The following SDCCAG8 variants were observed in gnomAD, a reference collection of about 807,000 sequenced individuals.
SDCCAG8 encodes SHH signaling and ciliogenesis regulator SDCCAG8, also known as serologically defined colon cancer antigen 8.
In SDCCAG8, 74 loss-of-function variants were observed where a neutral mutation model predicts 101.8. The observed-to-expected ratio is 0.73, with a 90% confidence interval of 0.60 to 0.88. The LOEUF (loss-of-function observed/expected upper bound fraction) is 0.88, where lower values mean the gene tolerates loss of function less well. Ranked by LOEUF, SDCCAG8 falls within the 40% of genes least tolerant of loss-of-function variation. SDCCAG8 has a pLI of 0.00. For missense variants in SDCCAG8, 787 were observed against 822.6 expected, an observed-to-expected ratio of 0.96 and a Z score of 0.53; for synonymous variants, 281 against 292.9, an observed-to-expected ratio of 0.96 and a Z score of 0.41.
chr1:243,374,768 A>C (rs904828794), intron 12 of SDCCAG8, among the ~76,000 whole-genome samples: 2 of 152,120 alleles, frequency 1.3e-5, no homozygotes, highest in South Asian at 4.1e-4. Flanking sequence ...GAGAACCCTA[A>C]AAGAGCATAG....
intron 16 of SDCCAG8, among the ~76,000 whole-genome samples, chr1:243,429,695 A>ATTTTTT (rs796450909): frequency 5.4e-5 from 5 of 92,940 alleles, no homozygotes; most frequent in Admixed American, 1.4e-4. Context: ...TGCTCTGCTA[A>ATTTTTT]TTTTTTTTTT....
chr1:243,445,531 G>A (rs6665625), intron 16 of SDCCAG8, among the ~76,000 whole-genome samples: 4 of 152,102 alleles, frequency 2.6e-5, no homozygotes. Flanking sequence ...CCAGAAGTTG[G>A]ATGGTTAATT....
At chr1:243,358,152 C>T (rs561530129) in intron 12 of SDCCAG8, among the ~76,000 whole-genome samples, 9 of 151,964 alleles carry the variant, frequency 5.9e-5, no homozygotes, top group Non-Finnish European at 1.0e-4. Context: ...AGAAAAAAGA[C>T]AACCCACAGA....
At chr1:243,399,444 G>T (rs947905587) in intron 13 of SDCCAG8, among the ~76,000 whole-genome samples, 3 of 152,138 alleles carry the variant, frequency 2.0e-5, no homozygotes, top group African/African-American at 4.8e-5. Context: ...AAACACAAAG[G>T]TTCTTTAGCT....
chr1:243,260,504 A>G (rs2067120376), intron 1 of SDCCAG8, among the ~76,000 whole-genome samples: 1 of 152,198 alleles, frequency 6.6e-6, no homozygotes, highest in South Asian at 2.1e-4. Context: ...AAAAGCCACA[A>G]TTATAGGCAA....
chr1:243,335,692 A>G (rs1207271758), intron 10 of SDCCAG8, among the ~76,000 whole-genome samples: 2 of 152,170 alleles, frequency 1.3e-5, no homozygotes, highest in Middle Eastern at 3.2e-3. Flanking sequence ...TTACTTGTGT[A>G]TATCGCATGA....
intron 13 of SDCCAG8, among the ~76,000 whole-genome samples, chr1:243,413,719 G>A (rs1387068994): frequency 6.6e-6 from 1 of 152,136 alleles, no homozygotes; most frequent in Non-Finnish European, 1.5e-5. Flanking sequence ...CAATTGTTAG[G>A]GGTTGCAGAG....
chr1:243,492,627 T>TTTTG (rs1222752580), intron 17 of SDCCAG8, among the ~76,000 whole-genome samples: 1 of 113,216 alleles, frequency 8.8e-6, no homozygotes, highest in Non-Finnish European at 1.9e-5. Flanking sequence ...TTTTTTTTTT[T>TTTTG]GATGAGTTTT....
At chr1:243,320,031 T>G (rs1489978194) in intron 9 of SDCCAG8, among the ~76,000 whole-genome samples, 16 of 152,118 alleles carry the variant, frequency 1.1e-4, no homozygotes, top group Non-Finnish European at 2.2e-4. Flanking sequence ...AAACATAAAT[T>G]TTACCATCTC....
intron 17 of SDCCAG8, among the ~76,000 whole-genome samples, chr1:243,492,392 C>T (rs1206918977): frequency 2.6e-4 from 38 of 148,114 alleles, no homozygotes; most frequent in African/African-American, 9.0e-4. Context: ...ACCTCCGCCT[C>T]CCGGCTTCAA....
chr1:243,344,891 A>C (rs1050976815), intron 12 of SDCCAG8, among the ~76,000 whole-genome samples: 1 of 152,206 alleles, frequency 6.6e-6, no homozygotes, highest in Non-Finnish European at 1.5e-5. Flanking sequence ...GTTTTATGTT[A>C]TATCTTTATT....
chr1:243,374,181 G>A (rs2077462998), intron 12 of SDCCAG8, among the ~76,000 whole-genome samples: 1 of 151,978 alleles, frequency 6.6e-6, no homozygotes, highest in Non-Finnish European at 1.5e-5. Flanking sequence ...TCTTCCAGAA[G>A]TTACAATCAG....
chr1:243,453,623 T>C (rs2083525982), intron 16 of SDCCAG8, among the ~76,000 whole-genome samples: 1 of 152,230 alleles, frequency 6.6e-6, no homozygotes, highest in Non-Finnish European at 1.5e-5. Context: ...GATCAGGTTA[T>C]CTCATTTTGC....
At chr1:243,294,478 G>GC (rs1558247934) in intron 6 of SDCCAG8, among the ~76,000 whole-genome samples, 1 of 31,558 alleles carries the variant, frequency 3.2e-5, no homozygotes, top group African/African-American at 6.1e-5. Flanking sequence ...AAAGGTGGGG[G>GC]GGGGGAGAGA....
At chr1:243,357,852 C>G (rs2076477112) in intron 12 of SDCCAG8, among the ~76,000 whole-genome samples, 1 of 152,116 alleles carries the variant, frequency 6.6e-6, no homozygotes, top group Non-Finnish European at 1.5e-5. Context: ...AGCAAACAGA[C>G]TTTACAGTAA....
intron 12 of SDCCAG8, among the ~76,000 whole-genome samples, chr1:243,370,816 C>G (rs1234697525): frequency 6.6e-6 from 1 of 152,022 alleles, no homozygotes; most frequent in Admixed American, 6.6e-5. Context: ...CTTAAAATTC[C>G]TTAAAGAATA....
At chr1:243,470,325 G>A (rs1026203300) in intron 16 of SDCCAG8, among the ~76,000 whole-genome samples, 24 of 152,114 alleles carry the variant, frequency 1.6e-4, no homozygotes. Flanking sequence ...ACCAGGTTTC[G>A]TTTCTAGTTC....
chr1:243,410,361 A>G (rs950856640), intron 13 of SDCCAG8, among the ~76,000 whole-genome samples: 1 of 152,172 alleles, frequency 6.6e-6, no homozygotes, highest in African/African-American at 2.4e-5. Context: ...GTCTAAACTC[A>G]CATCGGTACC....
intron 11 of SDCCAG8, among the ~76,000 whole-genome samples, chr1:243,341,457 AAG>A (rs955961738): frequency 3.9e-5 from 6 of 152,230 alleles, no homozygotes; most frequent in Non-Finnish European, 8.8e-5. Context: ...ACAAATAAAT[AAG>A]AGTTATATTA....
Sources: allele counts gnomAD v4.1 joint callset (sites outside exome capture counted in the v4.1 genomes callset), GRCh38; gene constraint gnomAD v4.1.1; transcripts MANE v1.5; gene names NCBI Gene and HGNC (gene_info 2026-07-23, HGNC 2026-07-21).